AMZ1: variants seen among roughly 807,000 people sequenced by gnomAD.
AMZ1 encodes the protein archaemetzincin-1.
In AMZ1, 39 loss-of-function variants were observed where a neutral mutation model predicts 29.9. The observed-to-expected ratio is 1.30, with a 90% CI of 1.01 to 1.70. The LOEUF (loss-of-function observed/expected upper bound fraction) is 1.70, where lower values mean the gene tolerates loss of function less well. Ranked by LOEUF, AMZ1 falls within the 40% of genes most tolerant of loss-of-function variation. AMZ1 has a pLI of 0.00. For synonymous variants in AMZ1, 458 were observed against 304.0 expected, an observed-to-expected ratio of 1.51 and a Z score of -5.27; for missense variants, 1,041 against 680.6, an observed-to-expected ratio of 1.53 and a Z score of -5.89.
intron 4 of AMZ1, among the ~76,000 whole-genome samples, chr7:2,745,573 T>C (rs1430453297): frequency 2.0e-5 from 3 of 152,080 alleles, no homozygotes; most frequent in African/African-American, 7.2e-5. Flanking sequence ...ACATACCAAA[T>C]TGTAAAGACC....
In AMZ1 at chr7:2,718,914, C is replaced by T. The variant is rs151084956; in HGVS notation, c.*6036C>T. On this transcript the variant is annotated 3_prime_UTR_variant, in exon 7 of 7. Transcript: ENST00000683327. ...AGAGAACACGCTTTTCTCAGGGTCG[C>T]TTAACACAGGCAGGGGTACAGGAGA... Among the ~76,000 whole-genome samples the T allele has an allele frequency of 4.4e-3, 663 of 152,142 alleles. 5 individuals carry two copies. The highest frequency in any genetic ancestry group is 0.015 in the African/African-American group (632 of 41,514).
rs750101309 is a variant in AMZ1 at position 2,700,403 on chromosome 7, T to C, written c.-49T>C. 10 of 1,568,160 alleles carry C rather than the reference T, an allele frequency of 6.4e-6. No individual in the cohort carries two copies. The highest frequency in any genetic ancestry group is 8.6e-6 in the Non-Finnish European group (10 of 1,162,326). On this transcript the variant is annotated 5_prime_UTR_variant, in exon 2 of 7. It removes an upstream start codon present in the reference 5' UTR. Coordinates refer to ENST00000683327, the MANE Select transcript of AMZ1 (RefSeq NM_001384743.1). ...CCGTGGCCGTCCCCCGGGTGGCCCA[T>C]GGACAGCAGCAGGGGCTCCCAGGAG...
rs1160788502 is a variant in AMZ1 at position 2,700,518 on chromosome 7, T to C, written c.67T>C (p.Ser23Pro). The C allele has an allele frequency of 2.5e-6, 4 of 1,607,638 alleles. 1 individual carries two copies. The South Asian group carries it at 4.4e-5, about 18-fold the overall frequency. Residue 23 changes from serine (S) to proline (P), a missense_variant, in exon 2 of 7, where the codon TCC becomes CCC. Transcript: ENST00000683327. ...GPRALKDALV[S>P]TDAALQQLYV... ...CCGGGCCTTGAAGGACGCTCTGGTC[T>C]CCACTGACGCAGCCCTGCAGCAGCT...
intron 3 of AMZ1, among the ~76,000 whole-genome samples, chr7:2,708,107 G>A (rs1788475200): frequency 6.6e-6 from 1 of 152,148 alleles, no homozygotes; most frequent in African/African-American, 2.4e-5. Context: ...ACAGGTGTGA[G>A]CCACTGTGCC....
At chr7:2,742,146 C>T (rs192400232) in intron 4 of AMZ1, among the ~76,000 whole-genome samples, 104 of 152,070 alleles carry the variant, frequency 6.8e-4, no homozygotes, top group African/African-American at 2.4e-3. Flanking sequence ...CTCAGCCACC[C>T]GAGTAGCTGG....
chr7:2,693,074 C>T (rs1446162787), intron 1 of AMZ1, among the ~76,000 whole-genome samples: 1 of 152,122 alleles, frequency 6.6e-6, no homozygotes, highest in Admixed American at 6.6e-5. Flanking sequence ...ACGCCTGAGC[C>T]CTGCCCCGCT....
intron 3 of AMZ1, among the ~76,000 whole-genome samples, chr7:2,707,743 C>T (rs73047330): frequency 0.021 from 3,242 of 151,804 alleles, 56 homozygotes; most frequent in Non-Finnish European, 0.035. Flanking sequence ...GCTAATGGTC[C>T]TTCCTCCGAG....
At chr7:2,710,893 C>T (rs184511854) in intron 6 of AMZ1, among the ~76,000 whole-genome samples, 1 of 152,346 alleles carries the variant, frequency 6.6e-6, no homozygotes, top group Admixed American at 6.5e-5. Context: ...TGTGCCCCGT[C>T]AAGGGGCAGC....
intron 2 of AMZ1, chr7:2,702,082 G>C (rs1788086030): frequency 6.6e-6 from 1 of 152,554 alleles, no homozygotes; most frequent in East Asian, 1.9e-4. Context: ...CCTGGCAGCT[G>C]ATTTCTCACT....
At chr7:2,743,531 C>A (rs186557379) in intron 4 of AMZ1, among the ~76,000 whole-genome samples, 43 of 152,222 alleles carry the variant, frequency 2.8e-4, no homozygotes, top group African/African-American at 9.6e-4. Context: ...AATAAAGATA[C>A]ACAAAATCTT....
chr7:2,704,980 G>A lies in AMZ1; in HGVS notation c.472+2091G>A, dbSNP rs1260592958. ...TGTCCATGAACATAGTTGCTTGACC[G>A]TCTGTCCGATGATTACACTATCTGG... On this transcript the variant is annotated intron_variant, in intron 3 of 6. Transcript: ENST00000683327. 2.6e-5 allele frequency among the ~76,000 whole-genome samples: 4 copies of A among 152,108 alleles called. 1 individual carries two copies. The highest frequency in any genetic ancestry group is 1.9e-4 in the East Asian group (1 of 5,200).
chr7:2,705,478 C>T (rs1310299408), intron 3 of AMZ1, among the ~76,000 whole-genome samples: 1 of 152,180 alleles, frequency 6.6e-6, no homozygotes, highest in Non-Finnish European at 1.5e-5. Flanking sequence ...TCACCATAAT[C>T]ATATAGAGGG....
upstream of AMZ1, chr7:2,762,775 G>A (rs780469944): frequency 6.5e-7 from 1 of 1,546,466 alleles, no homozygotes; most frequent in Non-Finnish European, 8.7e-7. Flanking sequence ...TTTCCACCCA[G>A]GCTGTACAAA....
At chr7:2,738,342 A>G (rs907851637) in intron 4 of AMZ1, among the ~76,000 whole-genome samples, 1 of 152,174 alleles carries the variant, frequency 6.6e-6, no homozygotes, top group African/African-American at 2.4e-5. Flanking sequence ...TGACGCAGGC[A>G]CAAGCTGTCA....
chr7:2,711,399 G>A (rs1333034484), intron 6 of AMZ1, among the ~76,000 whole-genome samples: 1 of 152,228 alleles, frequency 6.6e-6, no homozygotes, highest in African/African-American at 2.4e-5. Flanking sequence ...GGTGTAAACA[G>A]TCTCACGATG....
At position 2,710,999 on chromosome 7, in the gene AMZ1, T is replaced by G. The variant is rs538146967; in HGVS notation, c.948+1183T>G. Among the ~76,000 whole-genome samples, 22 of 152,354 alleles carry G rather than the reference T, an allele frequency of 1.4e-4. No individual in the cohort carries two copies. The South Asian group carries it at 4.3e-3, about 30-fold the overall frequency. ...TCATTTGATGCCTTCACCTGGGGTC[T>G]TGTGCAACCATCTGACATGAACTTT... On this transcript the variant is annotated intron_variant, in intron 6 of 6. Transcript: ENST00000683327.
chr7:2,708,946 G>A (rs886579722), intron 4 of AMZ1, 129 bp from the exon 5 acceptor site: 2 of 1,315,324 alleles, frequency 1.5e-6, no homozygotes, highest in South Asian at 1.5e-5. Flanking sequence ...GGGCAGGACA[G>A]GGCCTCCCAG....
In AMZ1 at chr7:2,697,739, T is replaced by TG. The variant is rs763415232; in HGVS notation, c.-218-2494dup. On this transcript the variant is annotated intron_variant, in intron 1 of 6. Coordinates refer to ENST00000683327, the MANE Select transcript of AMZ1 (RefSeq NM_001384743.1). Reference sequence around the variant, plus strand: ...CACACTCAGCCAAAAACAGCATTTTTGTAGAATGTTTAAGAATTTGGAAAA... The same window carrying TG: ...CACACTCAGCCAAAAACAGCATTTTTGGTAGAATGTTTAAGAATTTGGAAAA... 9.8e-5 allele frequency among the ~76,000 whole-genome samples: 15 copies of TG among 152,318 alleles called. No homozygotes were observed. The East Asian group carries it at 2.3e-3, about 23-fold the overall frequency.
At chr7:2,723,438 A>G (rs1049042609), downstream of AMZ1, among the ~76,000 whole-genome samples, 3 of 152,230 alleles carry the variant, frequency 2.0e-5, no homozygotes, top group Non-Finnish European at 4.4e-5. Context: ...TACCTGACCA[A>G]GTGTCCTCGG....
Sources: gnomAD v4.1 joint callset for allele counts (sites outside exome capture counted in the v4.1 genomes callset) on GRCh38, gnomAD v4.1.1 for gene constraint, MANE v1.5 for transcripts, NCBI Gene and HGNC (gene_info 2026-07-23, HGNC 2026-07-21) for gene names.